The following SORCS2 variants were observed in gnomAD, a reference collection of about 807,000 sequenced individuals.
SORCS2 encodes VPS10 domain-containing receptor SorCS2.
SORCS2 carries 100 observed loss-of-function variants against 141.6 expected under a neutral mutation model. The ratio of observed to expected loss-of-function variants is 0.71; its 90% CI spans 0.60 to 0.83. The LOEUF (loss-of-function observed/expected upper bound fraction) is 0.83. SORCS2 is among the 40% of genes least tolerant of loss of function. The pLI is 0.00. For synonymous variants in SORCS2, 789 were observed against 676.9 expected (o/e 1.17, Z -2.57); for missense variants, 1,646 against 1,560.2 (o/e 1.05, Z -0.93).
chr4:7,422,526 G>A lies in SORCS2; in HGVS notation c.548+26171G>A, dbSNP rs147482612. Among the ~76,000 whole-genome samples the A allele has an allele frequency of 2.4e-3, 360 of 152,290 alleles. 2 individuals carry two copies. Among genetic ancestry groups the A allele is most frequent in the Non-Finnish European group, 1.8e-3 (122 of 68,000 alleles). On this transcript the variant is annotated intron_variant, in intron 2 of 26. Coordinates refer to ENST00000507866, the MANE Select transcript of SORCS2 (RefSeq NM_020777.3). The stretch of plus-strand genomic sequence containing the variant: ...AAGTTTGAGACCCCCTGCTGTGCAA[G>A]TCAGAGCTGGGGGCAGAGGTGGGGT...
chr4:7,304,477 C>T (rs1482952416), intron 1 of SORCS2, among the ~76,000 whole-genome samples: 1 of 152,222 alleles, frequency 6.6e-6, no homozygotes, highest in East Asian at 1.9e-4. Flanking sequence ...CGGCGGCCCT[C>T]CTGCCTCCCG....
intron 2 of SORCS2, among the ~76,000 whole-genome samples, chr4:7,523,384 C>A (rs570479428): frequency 6.6e-6 from 1 of 152,308 alleles, no homozygotes; most frequent in South Asian, 2.1e-4. Context: ...AGGTCTGGCA[C>A]CCAGAGCACC....
chr4:7,273,354 G>C (rs563769130), intron 1 of SORCS2, among the ~76,000 whole-genome samples: 2 of 152,072 alleles, frequency 1.3e-5, no homozygotes, highest in African/African-American at 2.4e-5. Context: ...TCCTTGTCTC[G>C]GTCCTCCCTC....
At position 7,740,421 on chromosome 4, in the gene SORCS2, C is replaced by G. The variant is rs1255613926; in HGVS notation, c.*157C>G. ...CACCACCCCCTCTGATAAATCCAAG[C>G]CCGCCCAGGCCCACGGGGGGCCCAC... On this transcript the variant is annotated 3_prime_UTR_variant, in exon 27 of 27. Transcript: ENST00000507866. 4 of 665,724 alleles carry G rather than the reference C, an allele frequency of 6.0e-6. No homozygotes were observed. Among genetic ancestry groups the G allele is most frequent in the Non-Finnish European group, 1.0e-5 (4 of 386,284 alleles). The allele number at this position is 665,724 out of a possible 1,614,324, so 41.2% of individuals were successfully genotyped here.
chr4:7,698,617 A>G (rs1724855844), intron 12 of SORCS2, among the ~76,000 whole-genome samples: 1 of 152,264 alleles, frequency 6.6e-6, no homozygotes, highest in African/African-American at 2.4e-5. Flanking sequence ...CAAGATAGTC[A>G]TAGCAGTCGC....
chr4:7,222,793 G>A (rs754964477), intron 1 of SORCS2, among the ~76,000 whole-genome samples: 2 of 152,056 alleles, frequency 1.3e-5, no homozygotes, highest in Non-Finnish European at 2.9e-5. Context: ...GGGTGTGGGT[G>A]CTGGGCACGG....
intron 23 of SORCS2, among the ~76,000 whole-genome samples, chr4:7,731,019 C>T (rs1375212427): frequency 6.6e-6 from 1 of 152,202 alleles, no homozygotes; most frequent in Non-Finnish European, 1.5e-5. Context: ...CGTGGTGCCA[C>T]GTCCCATTTT....
intron 2 of SORCS2, chr4:7,431,423 C>T (rs1726844532): frequency 6.6e-6 from 1 of 152,304 alleles, no homozygotes; most frequent in Non-Finnish European, 1.5e-5. Flanking sequence ...TCATGTCACA[C>T]ATACTTCCCG....
At chr4:7,199,306 G>C (rs1174714679) in intron 1 of SORCS2, among the ~76,000 whole-genome samples, 1 of 152,204 alleles carries the variant, frequency 6.6e-6, no homozygotes, top group Non-Finnish European at 1.5e-5. Flanking sequence ...GGGCCGGTGT[G>C]GAGGCACAGT....
In SORCS2 at chr4:7,741,262, T is replaced by C; in HGVS notation, c.*998T>C. The C allele has an allele frequency of 2.5e-6, 1 of 398,890 alleles. No individual in the cohort carries two copies. The allele number at this position is 398,890 out of a possible 1,614,324, so 24.7% of individuals were successfully genotyped here. On this transcript the variant is annotated 3_prime_UTR_variant, in exon 27 of 27. Coordinates refer to ENST00000507866, the MANE Select transcript of SORCS2 (RefSeq NM_020777.3). ...GAGGATGGCAGGGCTGGAAGGGCCATCAGCGTGACCCTCATTTTCAAGAAG... is the reference window on the plus strand; with the variant it reads ...GAGGATGGCAGGGCTGGAAGGGCCACCAGCGTGACCCTCATTTTCAAGAAG...
At position 7,605,615 on chromosome 4, in the gene SORCS2, C is replaced by G. The variant is rs149621874; in HGVS notation, c.649-32713C>G. 3.3e-3 allele frequency among the ~76,000 whole-genome samples: 502 copies of G among 152,270 alleles called. 8 individuals carry two copies. The highest frequency in any genetic ancestry group is 0.011 in the African/African-American group (471 of 41,564). On this transcript the variant is annotated intron_variant, in intron 3 of 26. Coordinates refer to ENST00000507866, the MANE Select transcript of SORCS2 (RefSeq NM_020777.3). The stretch of plus-strand genomic sequence containing the variant: ...GCTTTATTGCTGTTTCCCTATTGCT[C>G]CCTTCCCATGGGAAGGATCTGCATG...
At chr4:7,489,746 G>A (rs1477599371) in intron 2 of SORCS2, among the ~76,000 whole-genome samples, 11 of 57,854 alleles carry the variant, frequency 1.9e-4, no homozygotes, top group African/African-American at 1.3e-4. Context: ...GACGGAGTCT[G>A]TGTTTTGGAA....
At chr4:7,240,652 G>C (rs528170757) in intron 1 of SORCS2, among the ~76,000 whole-genome samples, 1 of 152,174 alleles carries the variant, frequency 6.6e-6, no homozygotes, top group Non-Finnish European at 1.5e-5. Flanking sequence ...ATGTTGAAGG[G>C]CTGTCTTTGA....
intron 2 of SORCS2, among the ~76,000 whole-genome samples, chr4:7,479,336 C>T (rs547615072): frequency 1.3e-5 from 2 of 152,196 alleles, no homozygotes; most frequent in South Asian, 2.1e-4. Context: ...CTCCACGTGC[C>T]GCCCTGAGCC....
In SORCS2 at chr4:7,387,897, CAG is replaced by C. The variant is rs545566862; in HGVS notation, c.481-8387_481-8386del. ...ACACACAGATGCACACACAGGCACA[CAG>C]AGATATACACACATGCACACACCCA... On this transcript the variant is annotated intron_variant, in intron 1 of 26. Coordinates refer to ENST00000507866, the MANE Select transcript of SORCS2 (RefSeq NM_020777.3). Among the ~76,000 whole-genome samples, 286 of 151,004 alleles carry C rather than the reference CAG, an allele frequency of 1.9e-3. 3 individuals carry two copies. The highest frequency in any genetic ancestry group is 4.5e-3 in the African/African-American group (183 of 41,050).
At chr4:7,447,372 A>G (rs1182595416) in intron 2 of SORCS2, among the ~76,000 whole-genome samples, 3 of 152,202 alleles carry the variant, frequency 2.0e-5, no homozygotes, top group Non-Finnish European at 2.9e-5. Context: ...AAGGGTCACA[A>G]GTTAGAACAT....
chr4:7,583,950 C>G (rs1396776532), intron 3 of SORCS2, among the ~76,000 whole-genome samples: 1 of 152,198 alleles, frequency 6.6e-6, no homozygotes, highest in East Asian at 1.9e-4. Context: ...GTCTTATATG[C>G]AGCCTTTACC....
At chr4:7,699,990 C>A (rs1724958590) in intron 12 of SORCS2, among the ~76,000 whole-genome samples, 1 of 152,208 alleles carries the variant, frequency 6.6e-6, no homozygotes, top group Non-Finnish European at 1.5e-5. Flanking sequence ...CCCAATCAAG[C>A]CTTAGGTGTC....
chr4:7,458,038 T>C (rs1056365808), intron 2 of SORCS2, among the ~76,000 whole-genome samples: 1 of 152,206 alleles, frequency 6.6e-6, no homozygotes, highest in African/African-American at 2.4e-5. Context: ...AAAACAAAAC[T>C]GCCCATTGAC....
Sources: allele counts gnomAD v4.1 joint callset (sites outside exome capture counted in the v4.1 genomes callset), GRCh38; gene constraint gnomAD v4.1.1; transcripts MANE v1.5; gene names NCBI Gene and HGNC (gene_info 2026-07-23, HGNC 2026-07-21).